NRG1: variants seen among roughly 807,000 people sequenced by gnomAD.
NRG1 encodes the protein neuregulin 1.
In NRG1, 18 loss-of-function variants were observed where a neutral mutation model predicts 63.8. The ratio of observed to expected loss-of-function variants is 0.28; its 90% confidence interval spans 0.19 to 0.42. NRG1 has a LOEUF of 0.42. Among genes scored for constraint, NRG1 ranks in the 10% least tolerant of loss-of-function variants. The pLI is 1.00. For missense variants in NRG1, 762 were observed against 814.7 expected (o/e 0.94, Z 0.79); for synonymous variants, 302 against 301.3 (o/e 1.00, Z -0.02).
chr8:31,689,746 T>G lies in NRG1; in HGVS notation c.37+50315T>G, dbSNP rs117967056. ...TATTTTTCTGAACATTTGGGATATA[T>G]AAATTGATAAAAACCAATAAAAATT... is the stretch of plus-strand genomic sequence containing the variant. On this transcript the variant is annotated intron_variant, in intron 1 of 10. Transcript: ENST00000519301. Among the ~76,000 whole-genome samples the G allele has an allele frequency of 0.013, 2,034 of 152,306 alleles. 63 individuals are homozygous for G. The South Asian group carries it at 0.14, about 10-fold the overall frequency.
chr8:32,632,734 G>C (rs1298072302), intron 5 of NRG1, among the ~76,000 whole-genome samples: 1 of 152,066 alleles, frequency 6.6e-6, no homozygotes, highest in Non-Finnish European at 1.5e-5. Context: ...GATACAGGAT[G>C]TTCATCCTGA....
At chr8:31,854,614 A>T (rs1038205856) in intron 1 of NRG1, among the ~76,000 whole-genome samples, 1 of 150,986 alleles carries the variant, frequency 6.6e-6, no homozygotes, top group African/African-American at 2.4e-5. Flanking sequence ...TATTTCCTTC[A>T]GTTCTTCTCT....
chr8:32,011,697 A>G (rs1226023753), intron 1 of NRG1, among the ~76,000 whole-genome samples: 1 of 152,088 alleles, frequency 6.6e-6, no homozygotes, highest in African/African-American at 2.4e-5. Context: ...TTACAGTTGA[A>G]ATGGAAGCAA....
intron 5 of NRG1, among the ~76,000 whole-genome samples, chr8:32,680,895 A>C (rs1416310518): frequency 6.6e-6 from 1 of 152,090 alleles, no homozygotes; most frequent in African/African-American, 2.4e-5. Context: ...TTTACTCTTC[A>C]AAGTAATACA....
intron 1 of NRG1, among the ~76,000 whole-genome samples, chr8:32,380,542 C>T (rs1170026765): frequency 6.6e-6 from 1 of 152,072 alleles, no homozygotes; most frequent in Non-Finnish European, 1.5e-5. Flanking sequence ...ATTTCTCAAA[C>T]TTCACACTAA....
Position 32,457,137 on chromosome 8 carries a change from T to A in NRG1, c.38-138691T>A, listed in dbSNP as rs145391170. Among the ~76,000 whole-genome samples, 239 of 151,900 alleles carry A rather than the reference T, an allele frequency of 1.6e-3. 2 individuals are homozygous for A. In the East Asian group the frequency reaches 0.019, roughly 12 times the overall value. On this transcript the variant is annotated intron_variant, in intron 1 of 10. Coordinates refer to the NRG1 transcript ENST00000519301. ...ACGGAGTGAGACTTTCTCAAAAAAA[T>A]AAATAAATAAATAAATAAATTATAT...
intron 1 of NRG1, among the ~76,000 whole-genome samples, chr8:32,556,720 A>G (rs1402506017): frequency 6.6e-6 from 1 of 152,248 alleles, no homozygotes; most frequent in Non-Finnish European, 1.5e-5. Flanking sequence ...TTTTATAAAT[A>G]AAGTTCAAAT....
chr8:32,310,069 C>G (rs925668367), intron 1 of NRG1, among the ~76,000 whole-genome samples: 6 of 152,174 alleles, frequency 3.9e-5, no homozygotes, highest in African/African-American at 1.4e-4. Flanking sequence ...GTGGCCAGTG[C>G]CCGCTCTCTG....
intron 1 of NRG1, among the ~76,000 whole-genome samples, chr8:32,557,296 T>A (rs1363253521): frequency 2.6e-5 from 4 of 152,162 alleles, no homozygotes; most frequent in Admixed American, 2.6e-4. Context: ...CATGAGCCAC[T>A]GCGCCCAGCA....
chr8:32,756,024 G>A (rs533870391), intron 8 of NRG1, among the ~76,000 whole-genome samples: 2 of 152,276 alleles, frequency 1.3e-5, no homozygotes, highest in East Asian at 1.9e-4. Context: ...TTACAGGAAT[G>A]AGCCACCCCA....
intron 1 of NRG1, among the ~76,000 whole-genome samples, chr8:31,891,894 C>T (rs140816307): frequency 8.5e-5 from 13 of 152,218 alleles, no homozygotes; most frequent in Non-Finnish European, 1.9e-4. Context: ...TGAGAAAGGC[C>T]AATCTCAAAA....
At chr8:32,004,767 C>T (rs1030396725) in intron 1 of NRG1, among the ~76,000 whole-genome samples, 31 of 151,758 alleles carry the variant, frequency 2.0e-4, no homozygotes, top group Admixed American at 2.0e-4. Context: ...ACTAACAATT[C>T]TCAAAGACAG....
At chr8:32,156,837 G>A (rs1200991907) in intron 1 of NRG1, among the ~76,000 whole-genome samples, 1 of 152,182 alleles carries the variant, frequency 6.6e-6, no homozygotes, top group East Asian at 1.9e-4. Flanking sequence ...TCTGGAGGCT[G>A]AGGTGAGAGG....
At chr8:32,665,411 AAAG>A (rs1336288227) in intron 5 of NRG1, among the ~76,000 whole-genome samples, 1 of 152,194 alleles carries the variant, frequency 6.6e-6, no homozygotes, top group Admixed American at 6.6e-5. Flanking sequence ...TGGAGTATTC[AAAG>A]AAGAGCTGTG....
intron 1 of NRG1, among the ~76,000 whole-genome samples, chr8:32,031,450 G>A (rs973919862): frequency 1.3e-5 from 2 of 152,006 alleles, no homozygotes; most frequent in South Asian, 4.2e-4. Context: ...TGCCCTCCCC[G>A]CACGGGCAGC....
At chr8:32,106,256 T>C in intron 1 of NRG1, among the ~76,000 whole-genome samples, 1 of 152,246 alleles carries the variant, frequency 6.6e-6, no homozygotes, top group East Asian at 1.9e-4. Context: ...GCTGATTTAA[T>C]CATGCTGGTC....
At chr8:31,819,665 C>T (rs569020462) in intron 1 of NRG1, among the ~76,000 whole-genome samples, 2 of 152,278 alleles carry the variant, frequency 1.3e-5, no homozygotes, top group Admixed American at 6.5e-5. Flanking sequence ...TATCAATAGC[C>T]AATTTCCCTC....
chr8:31,642,634 A>G (rs1803906996), intron 1 of NRG1, among the ~76,000 whole-genome samples: 1 of 152,218 alleles, frequency 6.6e-6, no homozygotes, highest in Non-Finnish European at 1.5e-5. Context: ...GAAATATAAT[A>G]CATAGTTGTA....
chr8:32,582,096 G>A (rs13275493), intron 1 of NRG1, among the ~76,000 whole-genome samples: 1,536 of 23,276 alleles, frequency 0.066, 18 homozygotes, highest in African/African-American at 0.1. Flanking sequence ...ATTTTATTTT[G>A]TTTTGTTTTA....
Sources: allele counts gnomAD v4.1 joint callset (sites outside exome capture counted in the v4.1 genomes callset), GRCh38; gene constraint gnomAD v4.1.1; transcripts MANE v1.5; gene names NCBI Gene and HGNC (gene_info 2026-07-23, HGNC 2026-07-21).